SNRNP40: variants seen among roughly 807,000 people sequenced by gnomAD.
SNRNP40 encodes the protein small nuclear ribonucleoprotein U5 subunit 40.
A neutral mutation model predicts 45.8 loss-of-function variants in SNRNP40; 21 were observed. That is an observed-to-expected ratio of 0.46 (90% CI 0.32 to 0.66). The LOEUF is 0.66. Among genes scored for constraint, SNRNP40 ranks in the 30% least tolerant of loss-of-function variants. The pLI is 0.03. For synonymous variants in SNRNP40, 142 were observed against 163.8 expected (o/e 0.87, Z 1.01); for missense variants, 344 against 439.1 (o/e 0.78, Z 1.94).
intron 6 of SNRNP40, among the ~76,000 whole-genome samples, chr1:31,270,673 T>C (rs1390240491): frequency 9.7e-6 from 1 of 103,332 alleles, no homozygotes; most frequent in Non-Finnish European, 2.5e-5. Context: ...GTCCATTAAT[T>C]CAACAAATAT....
intron 8 of SNRNP40, among the ~76,000 whole-genome samples, chr1:31,267,538 G>T (rs966345495): frequency 3.4e-5 from 5 of 148,620 alleles, no homozygotes; most frequent in Middle Eastern, 3.2e-3. Context: ...CTATATCATT[G>T]TTTTTTTTTT....
chr1:31,269,124 G>T (rs1315516126), intron 7 of SNRNP40, 34 bp downstream of exon 7: 1 of 1,533,974 alleles, frequency 6.5e-7, no homozygotes, highest in South Asian at 1.3e-5. Flanking sequence ...TGAAGTAAAT[G>T]AACAGTAAAA....
rs1645845900 is a variant in SNRNP40 at position 31,259,874 on chromosome 1, G to C, written c.*198C>G. 1 of 697,722 alleles carries C rather than the reference G, an allele frequency of 1.4e-6. No homozygotes were observed. The highest frequency in any genetic ancestry group is 2.0e-5 in the Admixed American group (1 of 49,818). 43.2% of individuals were successfully genotyped at this position (697,722 alleles called of 1,614,324 possible). A position where few individuals can be genotyped will look rare whatever the true frequency, so the allele number is the denominator to read the frequency against. ...TGAAATCTGGCAGGTGGTTTTTAGA[G>C]GCCACAGGGAGCTTGCCTTAGTCAT... On this transcript the variant is annotated 3_prime_UTR_variant, in exon 10 of 10. Coordinates refer to ENST00000263694, the MANE Select transcript of SNRNP40 (RefSeq NM_004814.3).
intron 4 of SNRNP40, 35 bp downstream of exon 4, chr1:31,289,219 C>T (rs111430756): frequency 1.9e-5 from 30 of 1,604,920 alleles, no homozygotes; most frequent in Middle Eastern, 3.3e-4. Flanking sequence ...CATCACATCA[C>T]CTCAGAAACT....
chr1:31,266,197 C>G (rs1645895204), intron 8 of SNRNP40, among the ~76,000 whole-genome samples: 1 of 152,080 alleles, frequency 6.6e-6, no homozygotes, highest in Non-Finnish European at 1.5e-5. Flanking sequence ...AGGTATGGGA[C>G]AGATCACAGT....
intron 1 of SNRNP40, among the ~76,000 whole-genome samples, chr1:31,294,278 T>C (rs182951251): frequency 2.0e-5 from 3 of 152,172 alleles, no homozygotes; most frequent in Admixed American, 2.0e-4. Flanking sequence ...TCTTATTTTT[T>C]CATAGCAAAC....
At chr1:31,268,936 G>A (rs1180241843) in intron 7 of SNRNP40, among the ~76,000 whole-genome samples, 1 of 152,212 alleles carries the variant, frequency 6.6e-6, no homozygotes, top group Non-Finnish European at 1.5e-5. Flanking sequence ...GATGCCCTCA[G>A]TTTGAGGGCT....
At chr1:31,266,920 A>G (rs899422179) in intron 8 of SNRNP40, among the ~76,000 whole-genome samples, 1 of 152,250 alleles carries the variant, frequency 6.6e-6, no homozygotes, top group African/African-American at 2.4e-5. Flanking sequence ...CTAGGAGAAA[A>G]TAACTTAGTG....
At chr1:31,284,594 T>A (rs1249751554) in intron 4 of SNRNP40, among the ~76,000 whole-genome samples, 1 of 152,174 alleles carries the variant, frequency 6.6e-6, no homozygotes, top group African/African-American at 2.4e-5. Context: ...AAAGTATGGG[T>A]CGTTTCATTC....
chr1:31,270,212 A>G (rs552960909), intron 6 of SNRNP40, among the ~76,000 whole-genome samples: 22 of 152,358 alleles, frequency 1.4e-4, no homozygotes, highest in African/African-American at 5.3e-4. Context: ...AGGTTCTAAA[A>G]TTTGTAGGCA....
At chr1:31,293,091 A>T in intron 2 of SNRNP40, 128 bp downstream of exon 2, 1 of 945,980 alleles carries the variant, frequency 1.1e-6, no homozygotes. Context: ...CCCCAATTTT[A>T]GCATATTAGC....
chr1:31,291,288 C>CAAAAAA (rs55857301), intron 3 of SNRNP40, among the ~76,000 whole-genome samples: 1 of 128,662 alleles, frequency 7.8e-6, no homozygotes, highest in African/African-American at 2.9e-5. Context: ...AATTCCGTCT[C>CAAAAAA]AAAAAAAAAA....
intron 8 of SNRNP40, chr1:31,263,684 G>A (rs1645876852): frequency 2.4e-6 from 1 of 413,042 alleles, no homozygotes; most frequent in Non-Finnish European, 4.6e-6. Flanking sequence ...GATATGATAT[G>A]GCTTAGGAAG....
intron 3 of SNRNP40, among the ~76,000 whole-genome samples, chr1:31,290,216 T>G (rs541408618): frequency 2.0e-5 from 3 of 151,974 alleles, no homozygotes; most frequent in Non-Finnish European, 4.4e-5. Context: ...TTTCATTTTT[T>G]TTGAGATGGA....
At chr1:31,266,043 A>C (rs1645893880) in intron 8 of SNRNP40, among the ~76,000 whole-genome samples, 1 of 152,178 alleles carries the variant, frequency 6.6e-6, no homozygotes, top group African/African-American at 2.4e-5. Flanking sequence ...TCAAATGATC[A>C]ATGTGACACT....
chr1:31,290,439 A>G (rs950190904), intron 3 of SNRNP40, among the ~76,000 whole-genome samples: 20 of 152,324 alleles, frequency 1.3e-4, no homozygotes, highest in Middle Eastern at 3.4e-3. Context: ...TTACCAGACT[A>G]CCTAACAATG....
chr1:31,269,757 T>C (rs1645924072), intron 6 of SNRNP40: 1 of 162,386 alleles, frequency 6.2e-6, no homozygotes, highest in East Asian at 1.7e-4. Context: ...CACTGTACCA[T>C]ACCAAAAATC....
intron 4 of SNRNP40, chr1:31,282,098 C>T (rs1198960255): frequency 6.6e-6 from 1 of 152,196 alleles, no homozygotes; most frequent in African/African-American, 2.4e-5. Flanking sequence ...AGTGTTTTAA[C>T]TTGTGCTGGC....
At chr1:31,283,745 T>C (rs1053877527) in intron 4 of SNRNP40, among the ~76,000 whole-genome samples, 3 of 152,200 alleles carry the variant, frequency 2.0e-5, no homozygotes, top group African/African-American at 7.2e-5. Flanking sequence ...CAACAAAATA[T>C]AAGGCATGCA....
Sources: allele counts gnomAD v4.1 joint callset (sites outside exome capture counted in the v4.1 genomes callset), GRCh38; gene constraint gnomAD v4.1.1; transcripts MANE v1.5; gene names NCBI Gene and HGNC (gene_info 2026-07-23, HGNC 2026-07-21).